INTS9: variants seen among roughly 807,000 people sequenced by gnomAD.
The protein encoded by INTS9 is integrator complex subunit 9.
In INTS9, 55 loss-of-function variants were observed where a neutral mutation model predicts 79.7. The ratio of observed to expected loss-of-function variants is 0.69; its 90% confidence interval spans 0.56 to 0.86. INTS9 has a LOEUF of 0.86. INTS9 is among the 40% of genes least tolerant of loss of function. The pLI is 0.00. For synonymous variants in INTS9, 319 were observed against 325.2 expected (o/e 0.98, Z 0.20); for missense variants, 721 against 831.5 (o/e 0.87, Z 1.64).
At chr8:28,879,368 A>C (rs952862728) in intron 1 of INTS9, among the ~76,000 whole-genome samples, 8 of 152,138 alleles carry the variant, frequency 5.3e-5, no homozygotes, top group African/African-American at 1.4e-4. Flanking sequence ...AAATCCAAGA[A>C]CCATTTACGA....
At chr8:28,786,744 G>A (rs1252527099) in intron 11 of INTS9, among the ~76,000 whole-genome samples, 1 of 152,066 alleles carries the variant, frequency 6.6e-6, no homozygotes, top group East Asian at 1.9e-4. Flanking sequence ...TTGAGACGGA[G>A]TCTCACTCTG....
intron 4 of INTS9, among the ~76,000 whole-genome samples, chr8:28,842,642 A>G (rs928263317): frequency 4.7e-5 from 7 of 149,974 alleles, no homozygotes; most frequent in East Asian, 2.0e-4. Context: ...TCCAAGCTCC[A>G]TATCTTGAAA....
chr8:28,837,807 C>G (rs745661730), intron 4 of INTS9, 31 bp from the exon 5 acceptor site: 1 of 1,601,796 alleles, frequency 6.2e-7, no homozygotes, highest in South Asian at 1.1e-5. Context: ...TGATATATAT[C>G]TGTTCAGGGA....
chr8:28,854,261 T>C (rs1296735924), intron 2 of INTS9, among the ~76,000 whole-genome samples: 1 of 152,172 alleles, frequency 6.6e-6, no homozygotes, highest in Non-Finnish European at 1.5e-5. Context: ...CAAAAAATAT[T>C]AACAAGCTTA....
intron 4 of INTS9, among the ~76,000 whole-genome samples, chr8:28,842,903 A>G (rs1362251862): frequency 1.3e-5 from 2 of 152,114 alleles, no homozygotes; most frequent in African/African-American, 2.4e-5. Flanking sequence ...CTTTCCATAG[A>G]GTACTGTGTG....
At chr8:28,786,194 A>T (rs2130920034) in intron 11 of INTS9, among the ~76,000 whole-genome samples, 1 of 152,322 alleles carries the variant, frequency 6.6e-6, no homozygotes, top group Middle Eastern at 3.4e-3. Flanking sequence ...GTTCACAGTG[A>T]TGTAAGGGAC....
At chr8:28,860,289 A>G (rs1435611675) in intron 1 of INTS9, among the ~76,000 whole-genome samples, 1 of 152,194 alleles carries the variant, frequency 6.6e-6, no homozygotes, top group Non-Finnish European at 1.5e-5. Context: ...TGTGGCAGTG[A>G]CAGATCTGCC....
At chr8:28,797,863 A>G (rs914413795) in intron 8 of INTS9, among the ~76,000 whole-genome samples, 1 of 152,260 alleles carries the variant, frequency 6.6e-6, no homozygotes, top group Non-Finnish European at 1.5e-5. Flanking sequence ...GCAGTAAATA[A>G]AATTCCAAAT....
Position 28,850,217 on chromosome 8 carries a change from T to C in INTS9, c.194A>G (p.Asp65Gly), listed in dbSNP as rs1209197949. Reference protein sequence around the residue: ...WSLKDGNAFLDKELKECSGHV... With the variant: ...WSLKDGNAFLGKELKECSGHV... Reference sequence around the variant, plus strand: ...GTTTGTAGTCTTAGATATTACCTTGTCCAAGAAAGCATTTCCATCCTTCAG... The same window carrying C: ...GTTTGTAGTCTTAGATATTACCTTGCCCAAGAAAGCATTTCCATCCTTCAG... Residue 65 changes from aspartate to glycine, a missense_variant, in exon 3 of 17, where the codon GAC becomes GGC. By Grantham distance (94) the Asp-to-Gly change is moderately conservative. Coordinates refer to ENST00000521022, the MANE Select transcript of INTS9 (RefSeq NM_018250.4). 6.2e-7 allele frequency: 1 copy of C among 1,613,290 alleles called. No individual in the cohort carries two copies. Among genetic ancestry groups the C allele is most frequent in the East Asian group, 2.2e-5 (1 of 44,858 alleles).
chr8:28,824,501 T>A (rs1216034570), intron 6 of INTS9, among the ~76,000 whole-genome samples: 1 of 152,232 alleles, frequency 6.6e-6, no homozygotes, highest in Non-Finnish European at 1.5e-5. Context: ...ACTTACTTGC[T>A]CTTGCTTAAA....
intron 1 of INTS9, among the ~76,000 whole-genome samples, chr8:28,866,900 G>C (rs1458439983): frequency 6.6e-6 from 1 of 151,968 alleles, no homozygotes; most frequent in Non-Finnish European, 1.5e-5. Context: ...GTGTGAACCC[G>C]GGAGGCAGAG....
rs1316762286 is a variant in INTS9 at position 28,780,873 on chromosome 8, T to G, written c.1220A>C (p.His407Pro). 6.2e-7 allele frequency: 1 copy of G among 1,613,924 alleles called. No individual in the cohort carries two copies. The highest frequency in any genetic ancestry group is 1.7e-5 in the Admixed American group (1 of 60,010). The change falls in exon 12 of 17, where the codon CAC (histidine) becomes CCC (proline). Residue 407 changes from histidine (H) to proline (P), a missense_variant. Around this residue, in one of 3 missense-constraint regions of INTS9, gnomAD observed 149 missense variants for 223.7 expected, o/e 0.67. Transcript: ENST00000521022. ...HPSLRFGDVV[H>P]FMELWGKSSL... ...AGATTTTCCCCAGAGCTCCATGAAG[T>G]GGACCACGTCCCCGAAGCGGAGGGA...
chr8:28,879,040 G>A (rs931527745), intron 1 of INTS9, among the ~76,000 whole-genome samples: 1 of 151,792 alleles, frequency 6.6e-6, no homozygotes. Flanking sequence ...GTAGAACATA[G>A]AGGAGGTACA....
At chr8:28,847,870 TAACACAG>T (rs1163110779) in intron 3 of INTS9, among the ~76,000 whole-genome samples, 1 of 152,230 alleles carries the variant, frequency 6.6e-6, no homozygotes, top group African/African-American at 2.4e-5. Context: ...AGAAATGGTC[TAACACAG>T]ACAGCTCTGA....
chr8:28,851,832 G>A (rs1424064552), intron 2 of INTS9, among the ~76,000 whole-genome samples: 1 of 152,086 alleles, frequency 6.6e-6, no homozygotes, highest in Non-Finnish European at 1.5e-5. Flanking sequence ...TGAATACAAT[G>A]GACTCCCACA....
At chr8:28,787,065 A>G (rs1342344326) in intron 11 of INTS9, among the ~76,000 whole-genome samples, 1 of 152,182 alleles carries the variant, frequency 6.6e-6, no homozygotes, top group African/African-American at 2.4e-5. Context: ...AGAATCTTTG[A>G]GTGAAAATAT....
At chr8:28,828,664 G>A (rs1585425198) in intron 6 of INTS9, among the ~76,000 whole-genome samples, 1 of 151,834 alleles carries the variant, frequency 6.6e-6, no homozygotes, top group East Asian at 1.9e-4. Flanking sequence ...GAGCGTCAGA[G>A]CGGAGGAACT....
chr8:28,868,999 T>C (rs1808922920), intron 1 of INTS9, among the ~76,000 whole-genome samples: 1 of 151,956 alleles, frequency 6.6e-6, no homozygotes, highest in African/African-American at 2.4e-5. Context: ...CTTGGGAGGC[T>C]GAGGCAGGAG....
intron 8 of INTS9, 188 bp from the exon 9 acceptor site, chr8:28,796,843 G>A: frequency 1.9e-6 from 1 of 525,744 alleles, no homozygotes; most frequent in Non-Finnish European, 3.4e-6. Context: ...CTGATGGGAG[G>A]AGGCAAGAGG....
Sources: gnomAD v4.1 joint callset for allele counts (sites outside exome capture counted in the v4.1 genomes callset) on GRCh38, gnomAD v4.1.1 for gene constraint, gnomAD v4.1.1 regional missense constraint, MANE v1.5 for transcripts, NCBI Gene and HGNC (gene_info 2026-07-23, HGNC 2026-07-21) for gene names.